NTN1: variants seen among roughly 807,000 people sequenced by gnomAD.
The protein encoded by NTN1 is netrin-1.
In NTN1, 11 loss-of-function variants were observed where a neutral mutation model predicts 54.2. The observed-to-expected ratio is 0.20, with a 90% confidence interval of 0.13 to 0.34. The LOEUF (loss-of-function observed/expected upper bound fraction) is 0.34. Ranked by LOEUF, NTN1 falls within the 10% of genes least tolerant of loss-of-function variation. The pLI, the probability that NTN1 is intolerant of heterozygous loss-of-function variation, is 1.00. For missense variants in NTN1, 740 were observed against 893.1 expected, an observed-to-expected ratio of 0.83 and a Z score of 2.18; for synonymous variants, 371 against 382.0, an observed-to-expected ratio of 0.97 and a Z score of 0.33.
At chr17:9,238,374 G>GGCTACACAC (rs1906064584) in intron 6 of NTN1, among the ~76,000 whole-genome samples, 1 of 152,210 alleles carries the variant, frequency 6.6e-6, no homozygotes, top group South Asian at 2.1e-4. Flanking sequence ...GTTTCGCCCA[G>GGCTACACAC]TGAAGGCTAC....
At chr17:9,121,962 G>A (rs891007754) in intron 2 of NTN1, among the ~76,000 whole-genome samples, 1 of 152,008 alleles carries the variant, frequency 6.6e-6, no homozygotes, top group Non-Finnish European at 1.5e-5. Flanking sequence ...GCTGGAATAT[G>A]ATCTGGTCAG....
At chr17:9,120,665 G>A (rs1005684033) in intron 2 of NTN1, among the ~76,000 whole-genome samples, 13 of 152,166 alleles carry the variant, frequency 8.5e-5, no homozygotes, top group South Asian at 2.1e-4. Flanking sequence ...ATCTGCAAGC[G>A]CCCCCAAGAG....
intron 2 of NTN1, among the ~76,000 whole-genome samples, chr17:9,071,104 T>A (rs1460449802): frequency 6.6e-6 from 1 of 152,204 alleles, no homozygotes; most frequent in Non-Finnish European, 1.5e-5. Flanking sequence ...TTCTTGGAAC[T>A]TTCCAGATTG....
intron 2 of NTN1, among the ~76,000 whole-genome samples, chr17:9,128,908 C>G (rs1421311737): frequency 6.6e-6 from 1 of 152,184 alleles, no homozygotes; most frequent in East Asian, 1.9e-4. Flanking sequence ...ATCCCAAGTG[C>G]TGTGGAACAG....
intron 2 of NTN1, among the ~76,000 whole-genome samples, chr17:9,094,107 T>G (rs997928855): frequency 1.3e-5 from 2 of 152,236 alleles, no homozygotes; most frequent in African/African-American, 4.8e-5. Context: ...ATACAAACAT[T>G]CAGTTTCTAC....
intron 2 of NTN1, among the ~76,000 whole-genome samples, chr17:9,067,396 G>A (rs2092018801): frequency 6.6e-6 from 1 of 152,302 alleles, no homozygotes; most frequent in African/African-American, 2.4e-5. Context: ...AGCCATAGAA[G>A]ATAATAAATG....
At chr17:9,139,777 A>C (rs1283637852) in intron 2 of NTN1, among the ~76,000 whole-genome samples, 1 of 152,178 alleles carries the variant, frequency 6.6e-6, no homozygotes, top group Non-Finnish European at 1.5e-5. Context: ...TAGTACATCC[A>C]TCTACCTACC....
intron 5 of NTN1, 39 bp downstream of exon 5, chr17:9,183,008 T>C (rs759127683): frequency 3.4e-6 from 5 of 1,452,432 alleles, no homozygotes; most frequent in Non-Finnish European, 4.8e-6. Flanking sequence ...CCGCTTTTGC[T>C]GGGTGGTGGG....
chr17:9,229,467 G>A (rs143061110), intron 6 of NTN1, among the ~76,000 whole-genome samples: 9 of 152,290 alleles, frequency 5.9e-5, no homozygotes, highest in African/African-American at 1.9e-4. Context: ...TACTCTGCGC[G>A]GGATTAGGTA....
At chr17:9,157,237 G>A (rs2092345473) in intron 2 of NTN1, among the ~76,000 whole-genome samples, 1 of 152,248 alleles carries the variant, frequency 6.6e-6, no homozygotes, top group African/African-American at 2.4e-5. Flanking sequence ...TTTCTGACAT[G>A]AGTTTGTTCC....
At chr17:9,144,381 C>A (rs1330168087) in intron 2 of NTN1, among the ~76,000 whole-genome samples, 1 of 152,126 alleles carries the variant, frequency 6.6e-6, no homozygotes, top group Non-Finnish European at 1.5e-5. Context: ...GGCACCATTA[C>A]TGTCCTCATT....
chr17:9,241,844 G>A lies in NTN1; in HGVS notation c.*1876G>A, dbSNP rs981468413. On this transcript the variant is annotated 3_prime_UTR_variant, in exon 7 of 7. Coordinates refer to ENST00000173229, the MANE Select transcript of NTN1 (RefSeq NM_004822.3). The stretch of plus-strand genomic sequence containing the variant: ...GCAGGACTGGGGCTCAAACTCCAGA[G>A]CCCGACTTTCTGACCAGGGGCCACG... The A allele has an allele frequency of 1.2e-4, 18 of 152,304 alleles. No individual in the cohort carries two copies. The highest frequency in any genetic ancestry group is 1.1e-3 in the Admixed American group (17 of 15,286). The allele number at this position is 152,304 out of a possible 1,614,324, so 9.4% of individuals were successfully genotyped here.
chr17:9,064,010 T>A (rs1168781175), intron 2 of NTN1, among the ~76,000 whole-genome samples: 1 of 152,232 alleles, frequency 6.6e-6, no homozygotes, highest in Non-Finnish European at 1.5e-5. Context: ...GCATCCTAAC[T>A]GTAATGGTCC....
intron 5 of NTN1, among the ~76,000 whole-genome samples, chr17:9,216,887 A>C (rs1905227483): frequency 6.6e-6 from 1 of 152,118 alleles, no homozygotes; most frequent in South Asian, 2.1e-4. Context: ...CTAAAGATAC[A>C]AAAAATTAGG....
At chr17:9,104,028 G>T (rs1424724684) in intron 2 of NTN1, among the ~76,000 whole-genome samples, 1 of 140,294 alleles carries the variant, frequency 7.1e-6, no homozygotes, top group Non-Finnish European at 1.5e-5. Flanking sequence ...GTCAGAGGTT[G>T]CAGTGAGCTA....
chr17:9,243,156 G>T lies in NTN1; in HGVS notation c.*3188G>T, dbSNP rs1211840399. 1 of 152,186 alleles carries T rather than the reference G, an allele frequency of 6.6e-6. No individual in the cohort carries two copies. The highest frequency in any genetic ancestry group is 2.4e-5 in the African/African-American group (1 of 41,446). 9.4% of individuals were successfully genotyped at this position (152,186 alleles called of 1,614,324 possible). On this transcript the variant is annotated 3_prime_UTR_variant, in exon 7 of 7. Transcript: ENST00000173229. ...GGGGAGGACATAGGGCTGTCCCCGGGATTCACCTGCTGGCTGTGGTCTCTG... is the reference window on the plus strand; with the variant it reads ...GGGGAGGACATAGGGCTGTCCCCGGTATTCACCTGCTGGCTGTGGTCTCTG...
chr17:9,168,042 G>A (rs1266786070), intron 3 of NTN1, among the ~76,000 whole-genome samples: 2 of 152,044 alleles, frequency 1.3e-5, no homozygotes, highest in African/African-American at 4.8e-5. Flanking sequence ...ATTCTAATGT[G>A]TAACCAACAC....
upstream of NTN1, among the ~76,000 whole-genome samples, chr17:9,016,727 T>C (rs2091832797): frequency 6.6e-6 from 1 of 152,138 alleles, no homozygotes; most frequent in African/African-American, 2.4e-5. Context: ...CCCTGGCCCA[T>C]CATATCAGCC....
chr17:9,092,256 T>G (rs1054256653), intron 2 of NTN1, among the ~76,000 whole-genome samples: 2 of 151,632 alleles, frequency 1.3e-5, no homozygotes, highest in African/African-American at 4.8e-5. Flanking sequence ...TGTCAGAATC[T>G]CCTTCCTTTT....
Sources: gnomAD v4.1 joint callset for allele counts (sites outside exome capture counted in the v4.1 genomes callset) on GRCh38, gnomAD v4.1.1 for gene constraint, MANE v1.5 for transcripts, NCBI Gene and HGNC (gene_info 2026-07-23, HGNC 2026-07-21) for gene names.